The following PID1 variants were observed in gnomAD, a reference collection of about 807,000 sequenced individuals.
PID1 encodes phosphotyrosine interaction domain containing 1, also known as PTB-containing, cubilin and LRP1-interacting protein.
In PID1, 10 loss-of-function variants were observed where a neutral mutation model predicts 19.1. The observed-to-expected ratio is 0.52, with a 90% CI of 0.32 to 0.89. The LOEUF (loss-of-function observed/expected upper bound fraction) is 0.89. Ranked by LOEUF, PID1 falls within the 40% of genes least tolerant of loss-of-function variation. The pLI, the probability that PID1 is intolerant of heterozygous loss-of-function variation, is 0.03. For missense variants in PID1, 248 were observed against 285.3 expected (o/e 0.87, Z 0.94); for synonymous variants, 130 against 116.0 (o/e 1.12, Z -0.78).
At chr2:229,205,252 A>G (rs1691584937) in intron 1 of PID1, among the ~76,000 whole-genome samples, 1 of 139,086 alleles carries the variant, frequency 7.2e-6, no homozygotes, top group African/African-American at 2.5e-5. Flanking sequence ...ACATACACAC[A>G]CATACTACAT....
intron 2 of PID1, among the ~76,000 whole-genome samples, chr2:229,101,084 G>A (rs777728845): frequency 6.6e-5 from 10 of 152,166 alleles, no homozygotes; most frequent in Non-Finnish European, 1.5e-4. Flanking sequence ...TCCCTACAAT[G>A]GAAACTTGGG....
chr2:229,085,632 A>G (rs991747190), intron 2 of PID1, among the ~76,000 whole-genome samples: 4 of 152,174 alleles, frequency 2.6e-5, no homozygotes, highest in Non-Finnish European at 5.9e-5. Flanking sequence ...GCTTAAATAT[A>G]TATGACATAT....
intron 2 of PID1, among the ~76,000 whole-genome samples, chr2:229,053,886 G>A (rs546617890): frequency 6.6e-6 from 1 of 152,254 alleles, no homozygotes; most frequent in South Asian, 2.1e-4. Context: ...TCTCCTGGGG[G>A]CAGGTTTTAG....
At chr2:229,260,402 C>CAT (rs1211918651) in intron 1 of PID1, among the ~76,000 whole-genome samples, 1 of 151,590 alleles carries the variant, frequency 6.6e-6, no homozygotes, top group Non-Finnish European at 1.5e-5. Flanking sequence ...GTTGGGTCTA[C>CAT]ATATATTGAC....
intron 2 of PID1, among the ~76,000 whole-genome samples, chr2:229,090,772 C>T (rs911451462): frequency 8.5e-5 from 13 of 152,268 alleles, no homozygotes; most frequent in African/African-American, 1.4e-4. Flanking sequence ...CATTCATTCA[C>T]GCATGCATTC....
intron 1 of PID1, among the ~76,000 whole-genome samples, chr2:229,202,308 G>A (rs561881978): frequency 5.3e-5 from 8 of 152,088 alleles, no homozygotes; most frequent in South Asian, 4.1e-4. Context: ...AATCCAGGGC[G>A]GGCATCGATT....
At chr2:229,146,521 C>T (rs1030932700) in intron 2 of PID1, among the ~76,000 whole-genome samples, 1 of 141,800 alleles carries the variant, frequency 7.1e-6, no homozygotes, top group African/African-American at 2.8e-5. Context: ...GAACTGTGAA[C>T]ATTTTGTGTG....
chr2:229,144,042 A>G (rs1401679355), intron 2 of PID1, among the ~76,000 whole-genome samples: 1 of 152,196 alleles, frequency 6.6e-6, no homozygotes, highest in Non-Finnish European at 1.5e-5. Flanking sequence ...AAGGGATCAT[A>G]GAAGTCAATG....
rs374622113 is a variant in PID1, at chr2:229,163,674, T to TGTGTGCGCGC, written c.31-7711_31-7710insGCGCGCACAC. Reference sequence around the variant, plus strand: ...GAGTGTGTGTGTGTGTGTGTGTGTGTGCGTGTGCGTGTGTGTGTGTGTATA... The same window carrying TGTGTGCGCGC: ...GAGTGTGTGTGTGTGTGTGTGTGTGTGTGTGCGCGCGCGTGTGCGTGTGTGTGTGTGTATA... On this transcript the variant is annotated intron_variant, in intron 1 of 2. Transcript: ENST00000392055. Among the ~76,000 whole-genome samples the TGTGTGCGCGC allele has an allele frequency of 6.8e-3, 640 of 94,478 alleles. 1 individual carries two copies. The highest frequency in any genetic ancestry group is 0.027 in the Middle Eastern group (4 of 148). 62.0% of individuals were successfully genotyped at this position (94,478 alleles called of 152,430 possible).
intron 1 of PID1, among the ~76,000 whole-genome samples, chr2:229,168,835 T>C (rs775955789): frequency 4.6e-5 from 7 of 152,162 alleles, no homozygotes; most frequent in Non-Finnish European, 1.0e-4. Context: ...AAGTTAATTA[T>C]TGTGGGGTTT....
intron 1 of PID1, among the ~76,000 whole-genome samples, chr2:229,256,815 C>T (rs1451810274): frequency 6.6e-6 from 1 of 152,124 alleles, no homozygotes; most frequent in African/African-American, 2.4e-5. Context: ...TCTTTGTAGT[C>T]CATATCTCAA....
intron 2 of PID1, among the ~76,000 whole-genome samples, chr2:229,131,692 C>G (rs115225539): frequency 6.6e-6 from 1 of 152,052 alleles, no homozygotes; most frequent in Non-Finnish European, 1.5e-5. Flanking sequence ...ACACTAGATA[C>G]GAATTTCAGT....
intron 2 of PID1, among the ~76,000 whole-genome samples, chr2:229,138,978 TAGAA>T (rs1339778437): frequency 4.0e-4 from 26 of 65,754 alleles, no homozygotes; most frequent in Non-Finnish European, 6.4e-4. Flanking sequence ...TAGAAAAAAA[TAGAA>T]GAAAGAAAGA....
intron 1 of PID1, among the ~76,000 whole-genome samples, chr2:229,214,840 A>G (rs889175448): frequency 3.3e-5 from 5 of 151,826 alleles, no homozygotes; most frequent in African/African-American, 1.2e-4. Context: ...CTCTTCTTTC[A>G]TTTTTATATA....
chr2:229,042,204 T>C (rs2106175349), intron 2 of PID1, among the ~76,000 whole-genome samples: 1 of 152,136 alleles, frequency 6.6e-6, no homozygotes, highest in Non-Finnish European at 1.5e-5. Flanking sequence ...CACATACATA[T>C]AGAATATAAA....
chr2:229,258,909 A>G (rs2106289923), intron 1 of PID1, among the ~76,000 whole-genome samples: 1 of 151,504 alleles, frequency 6.6e-6, no homozygotes, highest in Non-Finnish European at 1.5e-5. Flanking sequence ...CGTCAACCCC[A>G]AAACTTACCC....
intron 1 of PID1, among the ~76,000 whole-genome samples, chr2:229,230,336 T>A (rs1040001398): frequency 2.6e-5 from 4 of 152,182 alleles, no homozygotes; most frequent in African/African-American, 9.6e-5. Context: ...ACTGACTGAA[T>A]AGAATAATAA....
At chr2:229,103,280 G>A (rs1215029524) in intron 2 of PID1, among the ~76,000 whole-genome samples, 1 of 152,100 alleles carries the variant, frequency 6.6e-6, no homozygotes, top group Non-Finnish European at 1.5e-5. Flanking sequence ...ATGGGACAAG[G>A]GAAGGGCTGA....
At chr2:229,188,406 G>A (rs962089353) in intron 1 of PID1, among the ~76,000 whole-genome samples, 11 of 151,962 alleles carry the variant, frequency 7.2e-5, no homozygotes, top group Non-Finnish European at 2.9e-5. Context: ...AGTGACTGGT[G>A]GAAGGAAGAA....
Sources: gnomAD v4.1 joint callset for allele counts (sites outside exome capture counted in the v4.1 genomes callset) on GRCh38, gnomAD v4.1.1 for gene constraint, MANE v1.5 for transcripts, NCBI Gene and HGNC (gene_info 2026-07-23, HGNC 2026-07-21) for gene names.